The following EYS variants were observed in gnomAD, a reference collection of about 807,000 sequenced individuals.
The protein encoded by EYS is protein eyes shut homolog.
In EYS, 250 loss-of-function variants were observed where a neutral mutation model predicts 282.1. That is an observed-to-expected ratio of 0.89 (90% confidence interval 0.80 to 0.98). The LOEUF (loss-of-function observed/expected upper bound fraction) is 0.98. EYS is among the 50% of genes least tolerant of loss of function. The pLI is 0.00. For synonymous variants in EYS, 1,355 were observed against 1,282.9 expected, an observed-to-expected ratio of 1.06 and a Z score of -1.20; for missense variants, 4,016 against 3,709.0, an observed-to-expected ratio of 1.08 and a Z score of -2.15.
chr6:63,852,013 C>G (rs528909760), intron 36 of EYS, among the ~76,000 whole-genome samples: 1 of 151,598 alleles, frequency 6.6e-6, no homozygotes, highest in African/African-American at 2.4e-5. Context: ...AAAAATTAGC[C>G]AGGCGTAGTG....
chr6:64,092,978 C>T (rs879732502), intron 31 of EYS, among the ~76,000 whole-genome samples: 7 of 151,360 alleles, frequency 4.6e-5, no homozygotes, highest in Non-Finnish European at 7.4e-5. Context: ...ATATGGCTAG[C>T]CAGTTTTCCC....
At chr6:64,774,436 GGGAAA>G (rs1169882253) in intron 22 of EYS, among the ~76,000 whole-genome samples, 1 of 151,876 alleles carries the variant, frequency 6.6e-6, no homozygotes, top group Non-Finnish European at 1.5e-5. Flanking sequence ...GCAGAGGGAA[GGGAAA>G]GCATAAAGGT....
intron 30 of EYS, among the ~76,000 whole-genome samples, chr6:64,297,977 C>CAAAAAAAAAAAAAAAAAAAAAAAAAA (rs34562408): frequency 5.2e-5 from 5 of 96,436 alleles, no homozygotes; most frequent in African/African-American, 1.9e-4. Context: ...GATTCTGTCT[C>CAAAAAAAAAAAAAAAAAAAAAAAAAA]AAAAAAAAAA....
chr6:65,644,708 G>A (rs1767393602), intron 1 of EYS, among the ~76,000 whole-genome samples: 1 of 152,186 alleles, frequency 6.6e-6, no homozygotes, highest in South Asian at 2.1e-4. Context: ...CAGATTAACA[G>A]CAGATTTCTC....
At chr6:64,198,163 A>G (rs1403049258) in intron 31 of EYS, among the ~76,000 whole-genome samples, 2 of 126,270 alleles carry the variant, frequency 1.6e-5, no homozygotes, top group Admixed American at 1.6e-4. Flanking sequence ...CGGCCCGGCT[A>G]ATTTTTTTTT....
chr6:64,770,546 C>T (rs936211653), intron 22 of EYS, among the ~76,000 whole-genome samples: 3 of 151,850 alleles, frequency 2.0e-5, no homozygotes, highest in Admixed American at 6.6e-5. Flanking sequence ...CATATTGACC[C>T]ATAATGGTTG....
At chr6:65,116,990 A>T (rs1321739004) in intron 12 of EYS, among the ~76,000 whole-genome samples, 1 of 152,182 alleles carries the variant, frequency 6.6e-6, no homozygotes, top group Non-Finnish European at 1.5e-5. Context: ...AGGTGCATGG[A>T]ACAGTGGCAC....
Position 64,664,566 on chromosome 6 carries a change from A to G in EYS, c.3444-38321T>C, listed in dbSNP as rs115867598. 6.4e-3 allele frequency among the ~76,000 whole-genome samples: 973 copies of G among 152,124 alleles called. 7 individuals are homozygous for G. Among genetic ancestry groups the G allele is most frequent in the African/African-American group, 0.022 (919 of 41,510 alleles). On this transcript the variant is annotated intron_variant, in intron 22 of 42. Transcript: ENST00000503581. ...GCTGAATGTTTATTTCCACCTCCTC[A>G]CCCGCCCCCAAATTCATATGTTGAA... is the stretch of plus-strand genomic sequence containing the variant.
chr6:64,208,879 T>G (rs1765686276), intron 31 of EYS, among the ~76,000 whole-genome samples: 1 of 152,180 alleles, frequency 6.6e-6, no homozygotes, highest in Admixed American at 6.5e-5. Context: ...ATTGCTCATG[T>G]TAAACCTTCA....
At chr6:65,477,606 G>A (rs138083222) in intron 5 of EYS, among the ~76,000 whole-genome samples, 185 of 152,144 alleles carry the variant, frequency 1.2e-3, no homozygotes, top group African/African-American at 4.4e-3. Flanking sequence ...GAAGCCAATT[G>A]ACGCATTCAA....
chr6:65,301,090 A>C (rs1768808819), intron 11 of EYS, among the ~76,000 whole-genome samples: 1 of 152,188 alleles, frequency 6.6e-6, no homozygotes, highest in Non-Finnish European at 1.5e-5. Context: ...CGGCTTATTT[A>C]GTGGCTTCCC....
At chr6:65,021,069 G>T (rs573075520) in intron 13 of EYS, among the ~76,000 whole-genome samples, 11 of 152,250 alleles carry the variant, frequency 7.2e-5, no homozygotes, top group African/African-American at 2.4e-4. Flanking sequence ...TGCCATGAAG[G>T]CCTCTGACAT....
At chr6:64,567,101 T>C (rs1765588744) in intron 26 of EYS, among the ~76,000 whole-genome samples, 1 of 152,058 alleles carries the variant, frequency 6.6e-6, no homozygotes, top group Non-Finnish European at 1.5e-5. Flanking sequence ...AAGATATTTT[T>C]AAAAATACAC....
At chr6:64,670,439 A>G (rs953040575) in intron 22 of EYS, among the ~76,000 whole-genome samples, 3 of 134,568 alleles carry the variant, frequency 2.2e-5, no homozygotes, top group Admixed American at 7.3e-5. Context: ...ATAAATAAAT[A>G]AATAAATGAA....
intron 13 of EYS, among the ~76,000 whole-genome samples, chr6:65,043,194 C>A (rs1772991145): frequency 6.6e-6 from 1 of 151,452 alleles, no homozygotes; most frequent in African/African-American, 2.4e-5. Context: ...TCTATTACTT[C>A]ATTTATCATT....
intron 13 of EYS, among the ~76,000 whole-genome samples, chr6:65,049,486 C>T (rs767602598): frequency 3.3e-5 from 5 of 151,670 alleles, no homozygotes; most frequent in Non-Finnish European, 7.4e-5. Context: ...GTAGTTGACA[C>T]ATTTGAATAG....
At chr6:63,989,371 A>G (rs1188449899) in intron 34 of EYS, among the ~76,000 whole-genome samples, 2 of 151,718 alleles carry the variant, frequency 1.3e-5, no homozygotes, top group Admixed American at 6.6e-5. Context: ...CACATGTTAA[A>G]AAAGCTTAAA....
intron 26 of EYS, among the ~76,000 whole-genome samples, chr6:64,520,910 T>G (rs1193788712): frequency 6.6e-6 from 1 of 151,712 alleles, no homozygotes; most frequent in East Asian, 1.9e-4. Flanking sequence ...CCAGAAATTA[T>G]GGGTATTAAA....
chr6:65,632,331 A>G (rs1210358379), intron 2 of EYS, among the ~76,000 whole-genome samples: 1 of 152,162 alleles, frequency 6.6e-6, no homozygotes, highest in Non-Finnish European at 1.5e-5. Flanking sequence ...AAGTTAATGC[A>G]TTTTGGAAGT....
Sources: gnomAD v4.1 joint callset for allele counts (sites outside exome capture counted in the v4.1 genomes callset) on GRCh38, gnomAD v4.1.1 for gene constraint, MANE v1.5 for transcripts, NCBI Gene and HGNC (gene_info 2026-07-23, HGNC 2026-07-21) for gene names.